The following CPA6 variants were observed in gnomAD, a reference collection of about 807,000 sequenced individuals.
CPA6 encodes the protein carboxypeptidase A6.
In CPA6, 58 loss-of-function variants were observed where a neutral mutation model predicts 63.3. The observed-to-expected ratio is 0.92, with a 90% CI of 0.74 to 1.14. CPA6 has a LOEUF of 1.14. CPA6 is among the 50% of genes most tolerant of loss of function. The pLI, the probability that CPA6 is intolerant of heterozygous loss-of-function variation, is 0.00. For synonymous variants in CPA6, 185 were observed against 179.0 expected (o/e 1.03, Z -0.27); for missense variants, 565 against 526.6 (o/e 1.07, Z -0.71).
In CPA6 at chr8:67,688,059, C is replaced by T. The variant is rs576115658; in HGVS notation, c.116+57955G>A. On this transcript the variant is annotated intron_variant, in intron 1 of 10. Transcript: ENST00000297770. ...TGGTGATACATGCCTATAGTCCCAG[C>T]TACTTGAGAGCCTGAGGTGGGAGGA... is the stretch of plus-strand genomic sequence containing the variant. Among the ~76,000 whole-genome samples, 9 of 152,256 alleles carry T rather than the reference C, an allele frequency of 5.9e-5. No individual in the cohort carries two copies. The South Asian group carries it at 1.9e-3, about 32-fold the overall frequency.
At chr8:67,736,075 C>A (rs1285246909) in intron 1 of CPA6, among the ~76,000 whole-genome samples, 1 of 152,110 alleles carries the variant, frequency 6.6e-6, no homozygotes, top group African/African-American at 2.4e-5. Flanking sequence ...TGTCTCTCTT[C>A]ATAGGACCAG....
At chr8:67,424,277 T>C (rs1809835738) in intron 10 of CPA6, among the ~76,000 whole-genome samples, 1 of 152,188 alleles carries the variant, frequency 6.6e-6, no homozygotes, top group South Asian at 2.1e-4. Context: ...TGTAATGCAT[T>C]TGAATCATCC....
chr8:67,513,713 C>G (rs1196506813), intron 3 of CPA6, among the ~76,000 whole-genome samples: 2 of 152,138 alleles, frequency 1.3e-5, no homozygotes, highest in African/African-American at 4.8e-5. Flanking sequence ...CAAGTCCCAT[C>G]TTCCTTGTTA....
At chr8:67,539,860 G>A (rs960656381) in intron 2 of CPA6, among the ~76,000 whole-genome samples, 5 of 152,016 alleles carry the variant, frequency 3.3e-5, no homozygotes, top group South Asian at 4.2e-4. Context: ...GGTCATTTAC[G>A]TTCTTCTCTA....
Position 67,517,912 on chromosome 8 carries a change from G to T in CPA6, c.317+11C>A. The stretch of plus-strand genomic sequence containing the variant: ...CAATAAATTTTATAGCAAGTGAAAA[G>T]GAATGCTTACTTGTACTGGATGTTG... On this transcript the variant is annotated intron_variant, in intron 3 of 10. Coordinates refer to ENST00000297770, the MANE Select transcript of CPA6 (RefSeq NM_020361.5). 1 of 1,594,946 alleles carries T rather than the reference G, an allele frequency of 6.3e-7. No individual in the cohort carries two copies.
chr8:67,464,991 G>C (rs1333016882), intron 8 of CPA6, among the ~76,000 whole-genome samples: 1 of 152,178 alleles, frequency 6.6e-6, no homozygotes, highest in African/African-American at 2.4e-5. Flanking sequence ...TGGCTAATCA[G>C]GCTCCTTTTG....
intron 2 of CPA6, among the ~76,000 whole-genome samples, chr8:67,538,541 A>G: frequency 1.4e-5 from 1 of 72,154 alleles, no homozygotes; most frequent in East Asian, 3.8e-4. Context: ...TTTGCTTTCC[A>G]TTTGGTTGGT....
At chr8:67,673,390 T>A (rs890944236) in intron 1 of CPA6, among the ~76,000 whole-genome samples, 1 of 99,652 alleles carries the variant, frequency 1.0e-5, no homozygotes. Context: ...ATTTATTTAT[T>A]TTTTTTTTTT....
chr8:67,461,928 AAAGCTAAT>A (rs893587103), intron 8 of CPA6, among the ~76,000 whole-genome samples: 2 of 152,132 alleles, frequency 1.3e-5, no homozygotes, highest in African/African-American at 4.8e-5. Context: ...CTGAATAACA[AAAGCTAAT>A]AAGCAAGGAG....
At chr8:67,631,901 C>T (rs1319783504) in intron 1 of CPA6, among the ~76,000 whole-genome samples, 1 of 151,988 alleles carries the variant, frequency 6.6e-6, no homozygotes, top group East Asian at 1.9e-4. Context: ...CTGAAGCCAG[C>T]GAGACCACGA....
intron 1 of CPA6, among the ~76,000 whole-genome samples, chr8:67,716,408 G>A (rs1817382592): frequency 6.6e-6 from 1 of 152,150 alleles, no homozygotes; most frequent in African/African-American, 2.4e-5. Flanking sequence ...AGGCAGGGAA[G>A]GGGACTTCCA....
At chr8:67,651,947 G>A (rs1466292633) in intron 1 of CPA6, among the ~76,000 whole-genome samples, 1 of 150,818 alleles carries the variant, frequency 6.6e-6, no homozygotes. Context: ...CTGTGTCCAT[G>A]TGTTCTCATT....
intron 8 of CPA6, among the ~76,000 whole-genome samples, chr8:67,482,427 G>A (rs75934160): frequency 0.013 from 2,028 of 152,296 alleles, 56 homozygotes; most frequent in African/African-American, 0.045. Flanking sequence ...ATAGGTTGGA[G>A]AAAACAATTT....
chr8:67,575,491 C>T (rs138478702), intron 2 of CPA6, among the ~76,000 whole-genome samples: 2 of 152,294 alleles, frequency 1.3e-5, no homozygotes, highest in African/African-American at 4.8e-5. Flanking sequence ...CCTAAGTGTC[C>T]ATCACTGATG....
chr8:67,648,258 GTTTTTTTT>G (rs4009129), intron 1 of CPA6, among the ~76,000 whole-genome samples: 4 of 113,894 alleles, frequency 3.5e-5, no homozygotes, highest in African/African-American at 1.0e-4. Context: ...CCTAGATTAG[GTTTTTTTT>G]TTTTTTTTTT....
At chr8:67,483,925 A>AT in intron 7 of CPA6, 67 bp from the exon 8 acceptor site, 3 of 1,256,474 alleles carry the variant, frequency 2.4e-6, no homozygotes, top group Non-Finnish European at 3.5e-6. Flanking sequence ...GCATTTTAAT[A>AT]GCTCAATCAA....
chr8:67,656,712 T>G (rs1419081422), intron 1 of CPA6, among the ~76,000 whole-genome samples: 1 of 152,132 alleles, frequency 6.6e-6, no homozygotes, highest in Non-Finnish European at 1.5e-5. Flanking sequence ...AGAATAGAAA[T>G]GAAGGCTCCT....
intron 1 of CPA6, among the ~76,000 whole-genome samples, chr8:67,736,064 C>T (rs1187803758): frequency 6.6e-6 from 1 of 152,040 alleles, no homozygotes; most frequent in Non-Finnish European, 1.5e-5. Context: ...AAGTCATCTC[C>T]TGTCTCTCTT....
chr8:67,469,397 G>A (rs1470711105), intron 8 of CPA6, among the ~76,000 whole-genome samples: 2 of 152,178 alleles, frequency 1.3e-5, no homozygotes, highest in Non-Finnish European at 2.9e-5. Flanking sequence ...CCTGAGGTCA[G>A]GAGTTTGAGA....
Sources: gnomAD v4.1 joint callset for allele counts (sites outside exome capture counted in the v4.1 genomes callset) on GRCh38, gnomAD v4.1.1 for gene constraint, MANE v1.5 for transcripts, NCBI Gene and HGNC (gene_info 2026-07-23, HGNC 2026-07-21) for gene names.